The following ELFN1 variants were observed in gnomAD, a reference collection of about 807,000 sequenced individuals.
ELFN1 encodes the protein protein ELFN1.
A neutral mutation model predicts 7.6 loss-of-function variants in ELFN1; 6 were observed. The observed-to-expected ratio is 0.79, with a 90% CI of 0.43 to 1.56. The LOEUF is 1.56. Ranked by LOEUF, ELFN1 falls within the 40% of genes most tolerant of loss-of-function variation. The probability of loss-of-function intolerance (pLI) is 0.01; values close to 1 mark genes in which losing one functional copy is unlikely to be tolerated. For missense variants in ELFN1, 1,169 were observed against 1,232.2 expected (o/e 0.95, Z 0.77); for synonymous variants, 657 against 588.1 (o/e 1.12, Z -1.70).
intron 3 of ELFN1, among the ~76,000 whole-genome samples, chr7:1,737,696 C>G (rs1780488830): frequency 6.6e-6 from 1 of 152,148 alleles, no homozygotes; most frequent in South Asian, 2.1e-4. Flanking sequence ...TTGAACACCC[C>G]TGCTGATGGG....
chr7:1,727,576 G>A (rs1345200058), intron 3 of ELFN1, among the ~76,000 whole-genome samples: 2 of 152,034 alleles, frequency 1.3e-5, no homozygotes, highest in Non-Finnish European at 2.9e-5. Flanking sequence ...CATTCAATTC[G>A]AGGACTCCAC....
At chr7:1,694,109 A>G (rs1779245395) in intron 2 of ELFN1, 1 of 247,516 alleles carries the variant, frequency 4.0e-6, no homozygotes, top group African/African-American at 2.2e-5. Context: ...CCGAGGCTTG[A>G]AGCAGCTCCA....
chr7:1,714,634 A>G (rs1354056868), intron 3 of ELFN1, among the ~76,000 whole-genome samples: 1 of 152,192 alleles, frequency 6.6e-6, no homozygotes, highest in African/African-American at 2.4e-5. Flanking sequence ...AAGGCCTACT[A>G]TTGCTTTATT....
intron 1 of ELFN1, among the ~76,000 whole-genome samples, chr7:1,677,037 G>A (rs557609815): frequency 6.6e-6 from 1 of 152,368 alleles, no homozygotes; most frequent in African/African-American, 2.4e-5. Flanking sequence ...GACGCTGGCA[G>A]CGGAGAGACA....
chr7:1,696,393 T>C (rs1486869718), intron 2 of ELFN1, among the ~76,000 whole-genome samples: 1 of 137,284 alleles, frequency 7.3e-6, no homozygotes, highest in Admixed American at 7.2e-5. Flanking sequence ...TCTTTCTTTC[T>C]TTTTTTTTTT....
intron 2 of ELFN1, among the ~76,000 whole-genome samples, chr7:1,700,498 C>T (rs181795132): frequency 2.6e-5 from 4 of 152,308 alleles, no homozygotes; most frequent in East Asian, 1.9e-4. Context: ...CAACACTCTC[C>T]GGGGGAGACA....
intron 3 of ELFN1, among the ~76,000 whole-genome samples, chr7:1,741,129 C>CAAAA (rs34300810): frequency 1.7e-5 from 2 of 116,818 alleles, no homozygotes; most frequent in African/African-American, 3.3e-5. Flanking sequence ...GACTCTGTCT[C>CAAAA]AAAAAAAAAA....
Position 1,695,532 on chromosome 7 carries a change from G to C in ELFN1, c.-456+7382G>C, listed in dbSNP as rs1241407021. 1.3e-5 allele frequency among the ~76,000 whole-genome samples: 2 copies of C among 151,984 alleles called. No homozygotes were observed. Among genetic ancestry groups the C allele is most frequent in the African/African-American group, 4.8e-5 (2 of 41,348 alleles). On this transcript the variant is annotated intron_variant, in intron 2 of 3. Transcript: ENST00000424383. This position sits in a 1 kb window ranked among gnomAD's most constrained non-coding sequence, Gnocchi z 5.1. ...AGGCTGAGGCGGGCAGATCACCTGA[G>C]GCCAGGAGTTCAAGACAAGCCTGGC...
chr7:1,744,543 C>G lies in ELFN1; in HGVS notation c.-54C>G. 1.4e-6 allele frequency: 2 copies of G among 1,439,044 alleles called. No homozygotes were observed. Among genetic ancestry groups the G allele is most frequent in the Non-Finnish European group, 1.8e-6 (2 of 1,102,140 alleles). The allele number at this position is 1,439,044 out of a possible 1,614,324, so 89.1% of individuals were successfully genotyped here. ...CCCTCTGGGGGCTGGCGCCTGGCCCCCCACCTGGTCCCCCTGGGCAGGCTG... is the reference window on the plus strand; with the variant it reads ...CCCTCTGGGGGCTGGCGCCTGGCCCGCCACCTGGTCCCCCTGGGCAGGCTG... On this transcript the variant is annotated 5_prime_UTR_variant, in exon 4 of 4. Transcript: ENST00000424383.
chr7:1,721,339 C>T (rs1012047328), intron 3 of ELFN1, among the ~76,000 whole-genome samples: 1 of 152,242 alleles, frequency 6.6e-6, no homozygotes, highest in East Asian at 1.9e-4. Context: ...CTTTCCCTCT[C>T]AGGGCCTAAG....
intron 2 of ELFN1, among the ~76,000 whole-genome samples, chr7:1,702,866 G>A (rs1779457133): frequency 6.6e-6 from 1 of 151,144 alleles, no homozygotes; most frequent in Non-Finnish European, 1.5e-5. Flanking sequence ...GAATCAGAGT[G>A]GTGGCAGCAA....
chr7:1,681,513 C>T (rs1371424538), intron 1 of ELFN1, among the ~76,000 whole-genome samples: 4 of 152,204 alleles, frequency 2.6e-5, no homozygotes, highest in Admixed American at 1.3e-4. Context: ...CAGGCACGCA[C>T]CACCATGCCC....
chr7:1,724,554 C>T (rs1046532420), intron 3 of ELFN1, among the ~76,000 whole-genome samples: 2 of 152,164 alleles, frequency 1.3e-5, no homozygotes, highest in African/African-American at 2.4e-5. Context: ...TCTCAAATTT[C>T]GCCCAAACTG....
chr7:1,674,948 C>A (rs368597659), intron 1 of ELFN1, among the ~76,000 whole-genome samples: 1 of 136,138 alleles, frequency 7.3e-6, no homozygotes, highest in East Asian at 2.2e-4. Context: ...GACACTGAGG[C>A]GCAGACAGGG....
At chr7:1,672,701 G>A (rs1175240305) in intron 1 of ELFN1, among the ~76,000 whole-genome samples, 3 of 152,048 alleles carry the variant, frequency 2.0e-5, no homozygotes, top group African/African-American at 7.2e-5. Context: ...AGGTCCCCCT[G>A]AGGTCAGAGC....
At chr7:1,697,173 G>T (rs1259550695) in intron 2 of ELFN1, among the ~76,000 whole-genome samples, 1 of 152,218 alleles carries the variant, frequency 6.6e-6, no homozygotes, top group East Asian at 1.9e-4. Context: ...TCCCCAGGCA[G>T]GGCAGAGAGG....
intron 1 of ELFN1, among the ~76,000 whole-genome samples, chr7:1,680,566 C>G (rs1234080249): frequency 6.6e-6 from 1 of 152,134 alleles, no homozygotes; most frequent in African/African-American, 2.4e-5. Flanking sequence ...GCCTTCCACT[C>G]TCCATCTGCA....
At chr7:1,676,634 G>A (rs1049137437) in intron 1 of ELFN1, among the ~76,000 whole-genome samples, 14 of 152,340 alleles carry the variant, frequency 9.2e-5, no homozygotes, top group South Asian at 4.1e-4. Flanking sequence ...GCGCAGGTTC[G>A]GTCCCTGCGT....
rs1038475781 is a variant in ELFN1 at position 1,745,326 on chromosome 7, A to G, written c.730A>G (p.Ser244Gly). ...CCGCCGCGGCCACCGCAGCATCCTC[A>G]GCAAACTGCAGTCAGTCTGCACCGA... ...QGRRGHRSIL[S>G]KLQSVCTEDS... Residue 244 changes from serine to glycine, a missense_variant, in exon 4 of 4, where the codon AGC becomes GGC. Transcript: ENST00000424383. The G allele has an allele frequency of 6.5e-7, 1 of 1,539,478 alleles. No individual in the cohort carries two copies. Among genetic ancestry groups the G allele is most frequent in the Non-Finnish European group, 8.7e-7 (1 of 1,146,712 alleles).
Sources: gnomAD v4.1 joint callset for allele counts (sites outside exome capture counted in the v4.1 genomes callset) on GRCh38, gnomAD v4.1.1 for gene constraint, Gnocchi (gnomAD v3.1) non-coding constraint, MANE v1.5 for transcripts, NCBI Gene and HGNC (gene_info 2026-07-23, HGNC 2026-07-21) for gene names.